Variants in MGAT4C observed in about 807,000 individuals in gnomAD.
MGAT4C encodes alpha-1,3-mannosyl-glycoprotein 4-beta-N-acetylglucosaminyltransferase C.
MGAT4C carries 19 observed loss-of-function variants against 40.1 expected under a neutral mutation model. That is an observed-to-expected ratio of 0.47 (90% CI 0.33 to 0.70). The LOEUF is 0.70. Ranked by LOEUF, MGAT4C falls within the 30% of genes least tolerant of loss-of-function variation. The pLI, the probability that MGAT4C is intolerant of heterozygous loss-of-function variation, is 0.02. For missense variants in MGAT4C, 491 were observed against 563.2 expected (o/e 0.87, Z 1.30); for synonymous variants, 181 against 187.1 (o/e 0.97, Z 0.27).
chr12:86,187,738 GC>G lies in MGAT4C; in HGVS notation c.-57+68500del, dbSNP rs537821356. Among the ~76,000 whole-genome samples, 439 of 92,128 alleles carry G rather than the reference GC, an allele frequency of 4.8e-3. 2 individuals are homozygous for G. The highest frequency in any genetic ancestry group is 0.017 in the African/African-American group (419 of 24,932). The allele number at this position is 92,128 out of a possible 152,430, so 60.4% of individuals were successfully genotyped here. On this transcript the variant is annotated intron_variant, in intron 1 of 4. Transcript: ENST00000611864. ...TGGCTGTTAGGCATTGTGTCTTCCT[GC>G]CTTCCAACTGCAAAAAAAAAAAAAT...
chr12:86,214,992 A>G (rs1478274520), intron 1 of MGAT4C, among the ~76,000 whole-genome samples: 1 of 151,958 alleles, frequency 6.6e-6, no homozygotes, highest in Non-Finnish European at 1.5e-5. Flanking sequence ...TTGAGATTCT[A>G]TTTTTCTATG....
intron 1 of MGAT4C, among the ~76,000 whole-genome samples, chr12:86,207,862 T>A (rs1428053816): frequency 1.3e-5 from 2 of 152,192 alleles, no homozygotes; most frequent in African/African-American, 2.4e-5. Context: ...TTTAAAATAA[T>A]ATCTATATGG....
At chr12:86,216,244 G>A (rs900100640) in intron 1 of MGAT4C, among the ~76,000 whole-genome samples, 4 of 152,090 alleles carry the variant, frequency 2.6e-5, no homozygotes, top group African/African-American at 9.7e-5. Flanking sequence ...TGTGAGGTGA[G>A]GTGCCTTAGA....
chr12:86,060,652 T>G (rs191531123), intron 1 of MGAT4C, among the ~76,000 whole-genome samples: 1 of 152,208 alleles, frequency 6.6e-6, no homozygotes, highest in Non-Finnish European at 1.5e-5. Flanking sequence ...CTAAGAGAGA[T>G]AGCACAAAAT....
intron 1 of MGAT4C, among the ~76,000 whole-genome samples, chr12:86,799,744 C>A (rs538953810): frequency 6.6e-6 from 1 of 151,314 alleles, no homozygotes; most frequent in Non-Finnish European, 1.5e-5. Flanking sequence ...TTGTGGATTG[C>A]GGGTAGTGTT....
At chr12:86,353,052 TA>T (rs886305490) in intron 3 of MGAT4C, among the ~76,000 whole-genome samples, 3 of 149,242 alleles carry the variant, frequency 2.0e-5, no homozygotes, top group African/African-American at 4.9e-5. Context: ...AATAAATAAA[TA>T]AAATAAATTA....
chr12:86,587,335 A>G lies in MGAT4C; in HGVS notation c.-229+139874T>C, dbSNP rs1051566904. On this transcript the variant is annotated intron_variant, in intron 2 of 7. Coordinates refer to the MGAT4C transcript ENST00000548651. ...ATATCTCTGTTTTAGTACCAGTACC[A>G]TGCTGTTTTGGTTACTGTAGCCTTG... is the stretch of plus-strand genomic sequence containing the variant. Among the ~76,000 whole-genome samples, 8 of 152,210 alleles carry G rather than the reference A, an allele frequency of 5.3e-5. 1 individual carries two copies. The highest frequency in any genetic ancestry group is 2.6e-4 in the Admixed American group (4 of 15,264).
At chr12:86,156,618 G>A (rs771724293) in intron 1 of MGAT4C, among the ~76,000 whole-genome samples, 6 of 152,174 alleles carry the variant, frequency 3.9e-5, no homozygotes, top group Non-Finnish European at 8.8e-5. Flanking sequence ...ACCGCGTCCA[G>A]CTAAGATTAC....
At chr12:86,053,834 C>G (rs182546188) in intron 1 of MGAT4C, among the ~76,000 whole-genome samples, 34 of 151,876 alleles carry the variant, frequency 2.2e-4, no homozygotes, top group African/African-American at 8.2e-4. Flanking sequence ...CAGGTATATA[C>G]ATAAAAAATG....
rs546507961 is a variant in MGAT4C at position 86,561,460 on chromosome 12, T to C, written c.-228-126195A>G. On this transcript the variant is annotated intron_variant, in intron 2 of 7. Coordinates refer to the MGAT4C transcript ENST00000548651. Reference sequence around the variant, plus strand: ...CAGAAGAAGGTGGAAAGAGCAGACATGCTGAGTTTTCCAGCCTTCATCTTT... The same window carrying C: ...CAGAAGAAGGTGGAAAGAGCAGACACGCTGAGTTTTCCAGCCTTCATCTTT... Among the ~76,000 whole-genome samples, 452 of 152,314 alleles carry C rather than the reference T, an allele frequency of 3.0e-3. 2 individuals carry two copies. Among genetic ancestry groups the C allele is most frequent in the African/African-American group, 0.01 (431 of 41,568 alleles).
rs531301784 is a variant in MGAT4C at position 86,132,723 on chromosome 12, C to T, written c.-56-83000G>A. ...AGGAGAATGGCGTGAACCCTGGAGG[C>T]GGAGCTTGCTGTGAGCAGAGATCGC... is the stretch of plus-strand genomic sequence containing the variant. On this transcript the variant is annotated intron_variant, in intron 1 of 4. Coordinates refer to ENST00000611864, the MANE Select transcript of MGAT4C (RefSeq NM_001351288.2). Among the ~76,000 whole-genome samples the T allele has an allele frequency of 1.8e-4, 24 of 134,474 alleles. No individual in the cohort carries two copies. In the South Asian group the frequency reaches 4.9e-3, roughly 28 times the overall value. 88.2% of individuals were successfully genotyped at this position (134,474 alleles called of 152,430 possible).
In MGAT4C at chr12:85,956,044, A is replaced by G. The variant is rs1252260794; in HGVS notation, c.*23245T>C. On this transcript the variant is annotated 3_prime_UTR_variant, in exon 5 of 5. Transcript: ENST00000611864. ...AGAGGTTTTCAATTGGTTTACAGGA[A>G]GTCTGATTTTTACAAAACTAGATTA... 3 of 152,204 alleles carry G rather than the reference A, an allele frequency of 2.0e-5. No individual in the cohort carries two copies. Among genetic ancestry groups the G allele is most frequent in the African/African-American group, 7.2e-5 (3 of 41,460 alleles). The allele number at this position is 152,204 out of a possible 1,614,324, so 9.4% of individuals were successfully genotyped here.
chr12:86,269,252 T>A (rs1952882232), intron 4 of MGAT4C, among the ~76,000 whole-genome samples: 1 of 151,188 alleles, frequency 6.6e-6, no homozygotes, highest in Non-Finnish European at 1.5e-5. Context: ...ATTATGTCAC[T>A]TAGAATATCT....
intron 1 of MGAT4C, among the ~76,000 whole-genome samples, chr12:86,804,215 A>G (rs1952296770): frequency 6.9e-6 from 1 of 145,958 alleles, no homozygotes; most frequent in African/African-American, 2.5e-5. Flanking sequence ...GAATTGAACA[A>G]TGAGATCACA....
intron 2 of MGAT4C, among the ~76,000 whole-genome samples, chr12:86,538,968 C>T (rs142050901): frequency 1.3e-5 from 2 of 152,000 alleles, no homozygotes; most frequent in Non-Finnish European, 2.9e-5. Flanking sequence ...ACTGCATATG[C>T]ATAATTTAAT....
chr12:86,837,608 A>C (rs75513409), intron 1 of MGAT4C, among the ~76,000 whole-genome samples: 3 of 152,080 alleles, frequency 2.0e-5, no homozygotes, highest in Non-Finnish European at 4.4e-5. Context: ...TATACCTGCT[A>C]TTCTAACCAT....
chr12:86,439,621 A>C (rs893153626), intron 2 of MGAT4C, among the ~76,000 whole-genome samples: 3 of 152,038 alleles, frequency 2.0e-5, no homozygotes, highest in Non-Finnish European at 4.4e-5. Context: ...AAACAACAAC[A>C]ACAAAGATCA....
intron 2 of MGAT4C, among the ~76,000 whole-genome samples, chr12:86,044,812 G>A (rs1014882609): frequency 1.3e-5 from 2 of 152,046 alleles, no homozygotes; most frequent in Non-Finnish European, 2.9e-5. Flanking sequence ...TACTGCAGAC[G>A]TTCCCACACC....
chr12:85,999,583 G>GTATA (rs67914292), intron 2 of MGAT4C, among the ~76,000 whole-genome samples: 2,842 of 122,858 alleles, frequency 0.023, 45 homozygotes, highest in Middle Eastern at 0.043. Flanking sequence ...GTGTGTGTGT[G>GTATA]TATATATATA....
Sources: allele counts gnomAD v4.1 joint callset (sites outside exome capture counted in the v4.1 genomes callset), GRCh38; gene constraint gnomAD v4.1.1; transcripts MANE v1.5; gene names NCBI Gene and HGNC (gene_info 2026-07-23, HGNC 2026-07-21).